SCIN: variants seen among roughly 807,000 people sequenced by gnomAD.
The protein encoded by SCIN is adseverin.
In SCIN, 91 loss-of-function variants were observed where a neutral mutation model predicts 91.8. That is an observed-to-expected ratio of 0.99 (90% CI 0.84 to 1.18). SCIN has a LOEUF of 1.18. Ranked by LOEUF, SCIN falls within the 50% of genes most tolerant of loss-of-function variation. SCIN has a pLI of 0.00. For missense variants in SCIN, 1,087 were observed against 863.9 expected (o/e 1.26, Z -3.24); for synonymous variants, 367 against 312.6 (o/e 1.17, Z -1.84).
At chr7:12,619,518 A>G (rs1783363077) in intron 4 of SCIN, among the ~76,000 whole-genome samples, 1 of 152,152 alleles carries the variant, frequency 6.6e-6, no homozygotes, top group African/African-American at 2.4e-5. Flanking sequence ...CTTAAGTTTT[A>G]AAAAGAAAAG....
intron 11 of SCIN, among the ~76,000 whole-genome samples, chr7:12,643,392 G>A (rs940626): frequency 0.9 from 137,082 of 152,228 alleles, 61,800 homozygotes; most frequent in Admixed American, 0.93. Flanking sequence ...TGAGATGTTT[G>A]TATTAGAAAT....
chr7:12,634,932 A>G (rs566779665), intron 9 of SCIN, among the ~76,000 whole-genome samples: 1 of 152,204 alleles, frequency 6.6e-6, no homozygotes, highest in Non-Finnish European at 1.5e-5. Context: ...CACCCCTTTA[A>G]TCCTAGCACT....
chr7:12,638,857 C>G (rs958445605), intron 10 of SCIN, among the ~76,000 whole-genome samples: 2 of 152,078 alleles, frequency 1.3e-5, no homozygotes, highest in Non-Finnish European at 2.9e-5. Context: ...GCACTCAATT[C>G]TATGGAATTT....
At chr7:12,630,001 G>T (rs1048970633) in intron 9 of SCIN, among the ~76,000 whole-genome samples, 1 of 151,982 alleles carries the variant, frequency 6.6e-6, no homozygotes, top group Non-Finnish European at 1.5e-5. Flanking sequence ...AGAAATGTGG[G>T]CTGTGGGCGT....
At chr7:12,596,402 G>A (rs1029297704) in intron 3 of SCIN, 7 of 455,464 alleles carry the variant, frequency 1.5e-5, no homozygotes, top group South Asian at 6.2e-5. Flanking sequence ...CCTCCCTGAT[G>A]TCTGCATTCA....
At chr7:12,572,030 C>T (rs1782282300) in intron 1 of SCIN, among the ~76,000 whole-genome samples, 1 of 152,174 alleles carries the variant, frequency 6.6e-6, no homozygotes, top group Non-Finnish European at 1.5e-5. Flanking sequence ...ACACACAAAA[C>T]CACACACACT....
intron 4 of SCIN, among the ~76,000 whole-genome samples, chr7:12,609,671 A>G (rs1783152221): frequency 6.6e-6 from 1 of 152,208 alleles, no homozygotes; most frequent in South Asian, 2.1e-4. Context: ...TTCTGGAAAG[A>G]CTTTTTAAAT....
intron 9 of SCIN, among the ~76,000 whole-genome samples, chr7:12,632,741 T>G (rs1355233634): frequency 1.3e-5 from 2 of 152,088 alleles, no homozygotes; most frequent in Non-Finnish European, 2.9e-5. Context: ...GAAGACAGGT[T>G]TGGCCCACAC....
At chr7:12,642,537 T>C (rs1363122099) in intron 11 of SCIN, among the ~76,000 whole-genome samples, 1 of 151,192 alleles carries the variant, frequency 6.6e-6, no homozygotes, top group African/African-American at 2.4e-5. Context: ...TTTCACTCAC[T>C]CACCATCTCT....
Position 12,611,573 on chromosome 7 carries a change from C to T in SCIN, c.666+6910C>T, listed in dbSNP as rs142333037. On this transcript the variant is annotated intron_variant, in intron 4 of 15. Transcript: ENST00000297029. Reference sequence around the variant, plus strand: ...AGAGGAAAGAGCTTTATTTCTGGGGCGTGACCTTTGATTAGATAAATCAAT... The same window carrying T: ...AGAGGAAAGAGCTTTATTTCTGGGGTGTGACCTTTGATTAGATAAATCAAT... 7.3e-3 allele frequency among the ~76,000 whole-genome samples: 1,106 copies of T among 152,168 alleles called. 9 individuals carry two copies. The highest frequency in any genetic ancestry group is 0.025 in the African/African-American group (1,028 of 41,522).
chr7:12,585,002 A>G lies in SCIN; in HGVS notation c.516+3781A>G, dbSNP rs78913934. Among the ~76,000 whole-genome samples the G allele has an allele frequency of 9.2e-5, 14 of 152,132 alleles. No individual in the cohort carries two copies. In the East Asian group the frequency reaches 2.7e-3, roughly 30 times the overall value. ...TGAGTTACTGATCCTGATGTTCCCC[A>G]TGTTCTGTTTCCTTGCTGTTTGGTC... On this transcript the variant is annotated intron_variant, in intron 3 of 15. Transcript: ENST00000297029.
At chr7:12,647,606 T>A (rs533905732) in intron 13 of SCIN, among the ~76,000 whole-genome samples, 3 of 152,344 alleles carry the variant, frequency 2.0e-5, no homozygotes, top group African/African-American at 7.2e-5. Context: ...AGCTGTTGCA[T>A]ATAAAACATT....
At chr7:12,581,015 G>A (rs758478645) in intron 2 of SCIN, 45 bp from the exon 3 acceptor site, 14 of 1,538,314 alleles carry the variant, frequency 9.1e-6, no homozygotes, top group African/African-American at 2.8e-5. Context: ...CACCTCATCA[G>A]TTTTCTCTTT....
intron 4 of SCIN, among the ~76,000 whole-genome samples, chr7:12,615,250 C>T (rs966954429): frequency 2.6e-5 from 4 of 152,094 alleles, no homozygotes; most frequent in African/African-American, 7.2e-5. Flanking sequence ...TATGGTTTGG[C>T]TCTGTGTCCT....
At chr7:12,648,646 TACTC>T (rs1225839577) in intron 13 of SCIN, among the ~76,000 whole-genome samples, 1 of 152,104 alleles carries the variant, frequency 6.6e-6, no homozygotes. Flanking sequence ...GATAATTTAA[TACTC>T]AGACCATAAA....
At chr7:12,595,712 C>G (rs966474817) in intron 3 of SCIN, 5 of 152,204 alleles carry the variant, frequency 3.3e-5, no homozygotes, top group Admixed American at 3.3e-4. Context: ...GTAACTGTGA[C>G]TTGACCCCTG....
chr7:12,651,814 A>G lies in SCIN; in HGVS notation c.1960-27A>G. The stretch of plus-strand genomic sequence containing the variant: ...ACTGAGTCAACATCCCAGAAATCAT[A>G]CATATTGTTATTGTTTCATTTTTCA... On this transcript the variant is annotated intron_variant, in intron 14 of 15. Coordinates refer to ENST00000297029, the MANE Select transcript of SCIN (RefSeq NM_001112706.3). This position sits in a 1 kb window ranked among gnomAD's most constrained non-coding sequence, Gnocchi z 5.9. The G allele has an allele frequency of 7.0e-7, 1 of 1,431,866 alleles. No individual in the cohort carries two copies. The allele number at this position is 1,431,866 out of a possible 1,614,324, so 88.7% of individuals were successfully genotyped here.
At chr7:12,573,649 C>T (rs1583269118) in intron 1 of SCIN, among the ~76,000 whole-genome samples, 1 of 152,112 alleles carries the variant, frequency 6.6e-6, no homozygotes, top group Non-Finnish European at 1.5e-5. Flanking sequence ...ATCCATTCAC[C>T]TCTGTTTGTA....
At chr7:12,605,371 C>T (rs947458306) in intron 4 of SCIN, among the ~76,000 whole-genome samples, 2 of 152,048 alleles carry the variant, frequency 1.3e-5, no homozygotes, top group Non-Finnish European at 2.9e-5. Context: ...TTTTCAAACA[C>T]GGTGGTTTTC....
Sources: allele counts gnomAD v4.1 joint callset (sites outside exome capture counted in the v4.1 genomes callset), GRCh38; gene constraint gnomAD v4.1.1; non-coding constraint Gnocchi (gnomAD v3.1); transcripts MANE v1.5; gene names NCBI Gene and HGNC (gene_info 2026-07-23, HGNC 2026-07-21).